Variants in PIGU observed in about 807,000 individuals in gnomAD.
The protein encoded by PIGU is phosphatidylinositol glycan anchor biosynthesis class U, also known as GPI-anchor transamidase component PIGU.
In PIGU, 24 loss-of-function variants were observed where a neutral mutation model predicts 49.9. The ratio of observed to expected loss-of-function variants is 0.48; its 90% CI spans 0.35 to 0.68. The LOEUF (loss-of-function observed/expected upper bound fraction) is 0.68, where lower values mean the gene tolerates loss of function less well. Among genes scored for constraint, PIGU ranks in the 30% least tolerant of loss-of-function variants. The pLI is 0.01. For synonymous variants in PIGU, 220 were observed against 205.7 expected, an observed-to-expected ratio of 1.07 and a Z score of -0.59; for missense variants, 490 against 532.6, an observed-to-expected ratio of 0.92 and a Z score of 0.79.
chr20:34,645,477 A>T (rs1348963391), intron 2 of PIGU, 143 bp from the exon 3 acceptor site: 2 of 1,193,390 alleles, frequency 1.7e-6, no homozygotes, highest in Admixed American at 7.5e-5. Context: ...GTTCTACGCC[A>T]GCTGGCCGGT....
In PIGU at chr20:34,560,613, T is replaced by C. The variant is rs1982438901; in HGVS notation, c.*253A>G. 6.8e-6 allele frequency: 3 copies of C among 441,764 alleles called. No homozygotes were observed. The highest frequency in any genetic ancestry group is 1.2e-5 in the Non-Finnish European group (3 of 250,268). The allele number at this position is 441,764 out of a possible 1,614,324, so 27.4% of individuals were successfully genotyped here. ...AGCCCTGCTCACCTGCCTCTTCTCC[T>C]TCCTGTCTGGGAGGGGGCTCCTTGG... On this transcript the variant is annotated 3_prime_UTR_variant, in exon 12 of 12. Transcript: ENST00000217446.
intron 6 of PIGU, among the ~76,000 whole-genome samples, chr20:34,632,904 GTGTT>G (rs1985834376): frequency 6.6e-6 from 1 of 150,588 alleles, no homozygotes; most frequent in Admixed American, 6.6e-5. Flanking sequence ...ACTATTTGAT[GTGTT>G]TAAGTGTTGT....
intron 7 of PIGU, among the ~76,000 whole-genome samples, chr20:34,611,262 C>T (rs1165079463): frequency 1.3e-5 from 2 of 152,146 alleles, no homozygotes; most frequent in African/African-American, 4.8e-5. Flanking sequence ...TCAGAGTGAA[C>T]AGGCAACCTA....
intron 2 of PIGU, among the ~76,000 whole-genome samples, chr20:34,651,091 CT>C (rs2146777831): frequency 6.6e-6 from 1 of 152,222 alleles, no homozygotes; most frequent in Non-Finnish European, 1.5e-5. Flanking sequence ...GTATTTTCTT[CT>C]GGAAAAGATT....
At chr20:34,630,845 A>G (rs6141493) in intron 6 of PIGU, among the ~76,000 whole-genome samples, 56,990 of 151,640 alleles carry the variant, frequency 0.38, 11,124 homozygotes, top group Admixed American at 0.54. Context: ...AGGTCTCACT[A>G]TGTTGTCCAG....
intron 6 of PIGU, among the ~76,000 whole-genome samples, chr20:34,625,712 C>CAA (rs536868098): frequency 1.2e-5 from 1 of 84,318 alleles, no homozygotes; most frequent in South Asian, 3.6e-4. Flanking sequence ...GACTCTGTCT[C>CAA]AAAAAAAAAA....
At chr20:34,627,346 C>T (rs1255068863) in intron 6 of PIGU, among the ~76,000 whole-genome samples, 1 of 151,910 alleles carries the variant, frequency 6.6e-6, no homozygotes, top group African/African-American at 2.4e-5. Flanking sequence ...CAATGTCAGA[C>T]ATGATTCATA....
At chr20:34,606,914 C>A (rs955966488) in intron 7 of PIGU, among the ~76,000 whole-genome samples, 6 of 152,172 alleles carry the variant, frequency 3.9e-5, no homozygotes, top group African/African-American at 1.4e-4. Context: ...GCACCCACCA[C>A]CAAGCCTGGC....
Position 34,560,811 on chromosome 20 carries a change from C to T in PIGU, c.*55G>A. 1 of 1,350,576 alleles carries T rather than the reference C, an allele frequency of 7.4e-7. No homozygotes were observed. The highest frequency in any genetic ancestry group is 1.0e-6 in the Non-Finnish European group (1 of 995,606). The allele number at this position is 1,350,576 out of a possible 1,614,324, so 83.7% of individuals were successfully genotyped here. On this transcript the variant is annotated 3_prime_UTR_variant, in exon 12 of 12. Coordinates refer to ENST00000217446, the MANE Select transcript of PIGU (RefSeq NM_080476.5). Reference sequence around the variant, plus strand: ...GGCAACTCTGGCTGGAGGGCTTGGCCCAGCTTCTGGCCCCACAGCCCCCTG... The same window carrying T: ...GGCAACTCTGGCTGGAGGGCTTGGCTCAGCTTCTGGCCCCACAGCCCCCTG...
At chr20:34,647,506 C>T (rs943120597) in intron 2 of PIGU, among the ~76,000 whole-genome samples, 3 of 151,546 alleles carry the variant, frequency 2.0e-5, no homozygotes, top group South Asian at 2.1e-4. Context: ...GTGATCCACC[C>T]GCCTCGGCCT....
At chr20:34,658,558 G>A (rs1986792423) in intron 1 of PIGU, among the ~76,000 whole-genome samples, 2 of 151,934 alleles carry the variant, frequency 1.3e-5, no homozygotes, top group South Asian at 4.2e-4. Context: ...GAGCGTCTCT[G>A]CCCGGCCGCC....
intron 11 of PIGU, among the ~76,000 whole-genome samples, chr20:34,567,332 A>G (rs1755910251): frequency 6.6e-6 from 1 of 152,214 alleles, no homozygotes; most frequent in Admixed American, 6.5e-5. Context: ...CTGAAGATGC[A>G]AAGTAACAAG....
intron 6 of PIGU, among the ~76,000 whole-genome samples, chr20:34,620,450 T>C (rs1985162462): frequency 6.6e-6 from 1 of 152,154 alleles, no homozygotes; most frequent in Admixed American, 6.5e-5. Flanking sequence ...CAACCGTTGA[T>C]TATAGTTGAC....
rs573206453 is a variant in PIGU at position 34,571,859 on chromosome 20, C to T, written c.1194+3245G>A. On this transcript the variant is annotated intron_variant, in intron 11 of 11. Transcript: ENST00000217446. ...AGAGGGGCTCTCTTACCTCAGTCAG[C>T]GCTCTGGGACAAGGACATGCCTCGA... 3.0e-4 allele frequency among the ~76,000 whole-genome samples: 45 copies of T among 152,298 alleles called. No homozygotes were observed. In the South Asian group the frequency reaches 8.7e-3, roughly 29 times the overall value.
chr20:34,619,748 C>A (rs1016613773), intron 6 of PIGU, among the ~76,000 whole-genome samples: 3 of 152,170 alleles, frequency 2.0e-5, no homozygotes, highest in African/African-American at 7.2e-5. Context: ...CACAGCCTAG[C>A]CAAATGGACT....
intron 1 of PIGU, among the ~76,000 whole-genome samples, chr20:34,667,747 C>A (rs1400716017): frequency 1.3e-5 from 2 of 152,086 alleles, no homozygotes; most frequent in Non-Finnish European, 2.9e-5. Flanking sequence ...ATGACTGTTA[C>A]AGGCAAGATT....
intron 6 of PIGU, among the ~76,000 whole-genome samples, chr20:34,620,444 C>G (rs1037580495): frequency 6.6e-6 from 1 of 152,110 alleles, no homozygotes; most frequent in Non-Finnish European, 1.5e-5. Context: ...TGGTAACAAC[C>G]GTTGATTATA....
intron 7 of PIGU, among the ~76,000 whole-genome samples, chr20:34,612,817 T>C (rs949254595): frequency 6.6e-6 from 1 of 151,856 alleles, no homozygotes; most frequent in Non-Finnish European, 1.5e-5. Flanking sequence ...GAGACAAGGT[T>C]TCGTCATGTT....
intron 11 of PIGU, among the ~76,000 whole-genome samples, chr20:34,564,987 G>A (rs926543420): frequency 2.6e-5 from 4 of 152,240 alleles, no homozygotes; most frequent in Non-Finnish European, 4.4e-5. Context: ...CTGTAGCCAG[G>A]ACAACCTCTT....
Sources: allele counts gnomAD v4.1 joint callset (sites outside exome capture counted in the v4.1 genomes callset), GRCh38; gene constraint gnomAD v4.1.1; transcripts MANE v1.5; gene names NCBI Gene and HGNC (gene_info 2026-07-23, HGNC 2026-07-21).